The following SVOP variants were observed in gnomAD, a reference collection of about 807,000 sequenced individuals.
SVOP encodes the protein synaptic vesicle 2-related protein.
A neutral mutation model predicts 69.1 loss-of-function variants in SVOP; 17 were observed. The ratio of observed to expected loss-of-function variants is 0.25; its 90% CI spans 0.17 to 0.37. SVOP has a LOEUF of 0.37. Ranked by LOEUF, SVOP falls within the 10% of genes least tolerant of loss-of-function variation. SVOP has a pLI of 1.00. For missense variants in SVOP, 435 were observed against 597.5 expected, an observed-to-expected ratio of 0.73 and a Z score of 2.84; for synonymous variants, 238 against 238.6, an observed-to-expected ratio of 1.00 and a Z score of 0.02.
At chr12:108,975,055 T>G (rs1236600587) in intron 4 of SVOP, among the ~76,000 whole-genome samples, 1 of 152,220 alleles carries the variant, frequency 6.6e-6, no homozygotes, top group African/African-American at 2.4e-5. Flanking sequence ...ATTTAATTCT[T>G]TTCTAGATTA....
intron 2 of SVOP, among the ~76,000 whole-genome samples, chr12:108,979,405 AT>A (rs1434734222): frequency 1.3e-5 from 2 of 151,450 alleles, no homozygotes; most frequent in African/African-American, 2.4e-5. Context: ...ATGCCCAGCT[AT>A]TTTTTTTCTA....
At chr12:109,002,501 A>G (rs1357690711) in intron 1 of SVOP, among the ~76,000 whole-genome samples, 23 of 135,280 alleles carry the variant, frequency 1.7e-4, no homozygotes, top group Non-Finnish European at 1.6e-5. Context: ...ATAAAGACAC[A>G]TGCACACGTA....
intron 5 of SVOP, among the ~76,000 whole-genome samples, chr12:108,969,269 T>C (rs562415213): frequency 6.6e-6 from 1 of 151,624 alleles, no homozygotes; most frequent in East Asian, 1.9e-4. Flanking sequence ...TCTTCCTTTT[T>C]TCTTCCTTCT....
chr12:108,932,030 A>G (rs2039823137), intron 11 of SVOP, among the ~76,000 whole-genome samples: 1 of 151,898 alleles, frequency 6.6e-6, no homozygotes, highest in Non-Finnish European at 1.5e-5. Context: ...TATTTTTTTT[A>G]CACACACAGA....
Position 108,972,570 on chromosome 12 carries a change from G to A in SVOP, c.382-94C>T, listed in dbSNP as rs1482847409. 2.4e-6 allele frequency: 3 copies of A among 1,266,268 alleles called. No homozygotes were observed. In the South Asian group the frequency reaches 3.8e-5, roughly 16 times the overall value. The allele number at this position is 1,266,268 out of a possible 1,614,324, so 78.4% of individuals were successfully genotyped here. On this transcript the variant is annotated intron_variant, in intron 4 of 15. Transcript: ENST00000610966. ...CGGAAGTGGTGACGTCACCCTCTAG[G>A]TAACAGCAATGATCTAACATTCACT...
chr12:108,941,415 A>G (rs1434139154), intron 7 of SVOP, among the ~76,000 whole-genome samples: 3 of 152,108 alleles, frequency 2.0e-5, no homozygotes, highest in East Asian at 3.9e-4. Flanking sequence ...TAGTAGAGAC[A>G]GGGTTTCACT....
intron 6 of SVOP, among the ~76,000 whole-genome samples, chr12:108,951,629 C>T (rs2075954026): frequency 6.6e-6 from 1 of 152,056 alleles, no homozygotes; most frequent in African/African-American, 2.4e-5. Context: ...TGTTAAGAAC[C>T]ACCAGCCTAC....
chr12:109,017,964 T>C (rs1163108951), intron 1 of SVOP, among the ~76,000 whole-genome samples: 1 of 152,192 alleles, frequency 6.6e-6, no homozygotes, highest in African/African-American at 2.4e-5. Flanking sequence ...TAGCCACATG[T>C]AGCTAGTGGC....
At position 108,940,766 on chromosome 12, in the gene SVOP, C is replaced by T. The variant is rs1325341043; in HGVS notation, c.768+18G>A. 4.6e-6 allele frequency: 7 copies of T among 1,536,560 alleles called. No homozygotes were observed. Reference sequence around the variant, plus strand: ...GATGTCAGACAGCAAAAGGTGAAATCTCTTAAAGGATACCTACGAAACACA... The same window carrying T: ...GATGTCAGACAGCAAAAGGTGAAATTTCTTAAAGGATACCTACGAAACACA... On this transcript the variant is annotated intron_variant, in intron 8 of 15. Coordinates refer to ENST00000610966, the MANE Select transcript of SVOP (RefSeq NM_018711.5).
rs1205186231 is a variant in SVOP, at chr12:108,980,677, G to A, written c.197-2014C>T. ...AGGCAGGAGAATGGCGTGAACCCGG[G>A]AAGCGGAGCTTGCAGTGAGCCGAGA... On this transcript the variant is annotated intron_variant, in intron 2 of 15. Transcript: ENST00000610966. 1.6e-5 allele frequency among the ~76,000 whole-genome samples: 2 copies of A among 124,624 alleles called. 1 individual carries two copies. The highest frequency in any genetic ancestry group is 3.4e-5 in the Non-Finnish European group (2 of 59,690). 81.8% of individuals were successfully genotyped at this position (124,624 alleles called of 152,430 possible). A position where few individuals can be genotyped will look rare whatever the true frequency, so the allele number is the denominator to read the frequency against.
intron 1 of SVOP, among the ~76,000 whole-genome samples, chr12:108,987,904 T>C (rs533604976): frequency 1.8e-4 from 24 of 133,088 alleles, no homozygotes; most frequent in African/African-American, 6.0e-4. Context: ...TTGATTGTGA[T>C]CGTTGAATGC....
chr12:108,931,219 T>C (rs1049362365), intron 11 of SVOP, among the ~76,000 whole-genome samples: 5 of 152,090 alleles, frequency 3.3e-5, no homozygotes, highest in Non-Finnish European at 7.4e-5. Flanking sequence ...CTTATACCAA[T>C]AAACAAAACT....
intron 6 of SVOP, among the ~76,000 whole-genome samples, chr12:108,958,439 C>T (rs1340749798): frequency 6.6e-6 from 1 of 152,006 alleles, no homozygotes; most frequent in Non-Finnish European, 1.5e-5. Context: ...GGTGTGTAGC[C>T]CTGGAGCAAT....
chr12:108,913,223 G>A (rs991776925), intron 15 of SVOP, among the ~76,000 whole-genome samples: 16 of 152,034 alleles, frequency 1.1e-4, no homozygotes, highest in African/African-American at 2.2e-4. Flanking sequence ...CACCACGCCC[G>A]GCTAATTTTG....
At chr12:109,015,335 T>C (rs573213808) in intron 1 of SVOP, among the ~76,000 whole-genome samples, 5 of 152,120 alleles carry the variant, frequency 3.3e-5, no homozygotes, top group Non-Finnish European at 7.4e-5. Flanking sequence ...AGAATCCCTC[T>C]GGCCACTGGG....
At chr12:108,949,279 T>TC (rs1213301797) in intron 6 of SVOP, among the ~76,000 whole-genome samples, 2 of 151,766 alleles carry the variant, frequency 1.3e-5, no homozygotes, top group East Asian at 3.9e-4. Flanking sequence ...TTTCAGCTTT[T>TC]TTTTTGCCCA....
At position 108,955,308 on chromosome 12, in the gene SVOP, C is replaced by T. The variant is rs533700128; in HGVS notation, c.578+5615G>A. On this transcript the variant is annotated intron_variant, in intron 6 of 15. Coordinates refer to ENST00000610966, the MANE Select transcript of SVOP (RefSeq NM_018711.5). ...GCCACGAGGGGAAAACGGTATCGTC[C>T]TCAATGAACTCATCATATTCATGAA... 1.7e-3 allele frequency among the ~76,000 whole-genome samples: 256 copies of T among 152,284 alleles called. 1 individual carries two copies. Among genetic ancestry groups the T allele is most frequent in the African/African-American group, 6.1e-3 (252 of 41,558 alleles).
At chr12:108,965,920 T>C (rs971375825) in intron 5 of SVOP, among the ~76,000 whole-genome samples, 8 of 151,692 alleles carry the variant, frequency 5.3e-5, no homozygotes, top group Non-Finnish European at 8.8e-5. Context: ...ACTTTTTCCC[T>C]CTCTCCCTTC....
intron 1 of SVOP, among the ~76,000 whole-genome samples, chr12:108,999,408 C>T (rs1159744646): frequency 1.3e-4 from 20 of 149,502 alleles, no homozygotes; most frequent in African/African-American, 4.7e-4. Context: ...ATCAATGAGA[C>T]AGAAAGTCAA....
Sources: gnomAD v4.1 joint callset for allele counts (sites outside exome capture counted in the v4.1 genomes callset) on GRCh38, gnomAD v4.1.1 for gene constraint, MANE v1.5 for transcripts, NCBI Gene and HGNC (gene_info 2026-07-23, HGNC 2026-07-21) for gene names.